The following NSF variants were observed in gnomAD, a reference collection of about 807,000 sequenced individuals.
NSF encodes vesicle-fusing ATPase.
A neutral mutation model predicts 50.3 loss-of-function variants in NSF; 14 were observed. The ratio of observed to expected loss-of-function variants is 0.28; its 90% CI spans 0.18 to 0.44. NSF has a LOEUF of 0.44. Among genes scored for constraint, NSF ranks in the 20% least tolerant of loss-of-function variants. NSF has a pLI of 1.00. For synonymous variants in NSF, 109 were observed against 175.7 expected (o/e 0.62, Z 3.00); for missense variants, 218 against 504.3 (o/e 0.43, Z 5.44).
At chr17:46,735,584 A>G (rs1041705687) in intron 17 of NSF, among the ~76,000 whole-genome samples, 1 of 152,122 alleles carries the variant, frequency 6.6e-6, no homozygotes, top group Non-Finnish European at 1.5e-5. Flanking sequence ...ATAATTCCTC[A>G]TGTGTTACCT....
intron 13 of NSF, among the ~76,000 whole-genome samples, chr17:46,709,326 A>G (rs1311937543): frequency 6.6e-6 from 1 of 152,006 alleles, no homozygotes; most frequent in Admixed American, 6.5e-5. Context: ...TATTTATTCC[A>G]AGGGTCTGGA....
chr17:46,691,683 C>T (rs2058547823), intron 9 of NSF, among the ~76,000 whole-genome samples: 1 of 151,692 alleles, frequency 6.6e-6, no homozygotes, highest in Non-Finnish European at 1.5e-5. Context: ...TCATTATGCT[C>T]ATTTAATTTT....
intron 9 of NSF, among the ~76,000 whole-genome samples, chr17:46,676,492 A>G (rs2058410502): frequency 6.9e-6 from 1 of 145,542 alleles, no homozygotes; most frequent in Admixed American, 6.9e-5. Flanking sequence ...TTGGCCTCCC[A>G]AAGTGCTGAG....
At chr17:46,703,680 C>CAAAAAAAA (rs149212597) in intron 12 of NSF, among the ~76,000 whole-genome samples, 62 of 37,378 alleles carry the variant, frequency 1.7e-3, no homozygotes, top group African/African-American at 3.2e-3. Flanking sequence ...GACTCCGTCT[C>CAAAAAAAA]AAAAAAAAAA....
intron 17 of NSF, among the ~76,000 whole-genome samples, chr17:46,745,952 T>A (rs954689607): frequency 6.6e-6 from 1 of 152,226 alleles, no homozygotes; most frequent in Non-Finnish European, 1.5e-5. Context: ...AGAATGTCCT[T>A]CCCCTTCATC....
At position 46,610,041 on chromosome 17, in the gene NSF, C is replaced by T. The variant is rs7503809; in HGVS notation, c.13-14203C>T. Reference sequence around the variant, plus strand: ...TCTTTCTTTCTTTCTCTCTCTCTCTCTCTTTCTTTCTTTCTTTCTTTCTTT... The same window carrying T: ...TCTTTCTTTCTTTCTCTCTCTCTCTTTCTTTCTTTCTTTCTTTCTTTCTTT... On this transcript the variant is annotated intron_variant, in intron 1 of 20. Coordinates refer to ENST00000398238, the MANE Select transcript of NSF (RefSeq NM_006178.4). 3.8e-4 allele frequency among the ~76,000 whole-genome samples: 45 copies of T among 118,724 alleles called. 1 individual carries two copies. Among genetic ancestry groups the T allele is most frequent in the African/African-American group, 5.6e-4 (18 of 32,426 alleles). The allele number at this position is 118,724 out of a possible 152,430, so 77.9% of individuals were successfully genotyped here. A position where few individuals can be genotyped will look rare whatever the true frequency, so the allele number is the denominator to read the frequency against.
rs535143441 is a variant in NSF at position 46,743,091 on chromosome 17, G to A, written c.1909-6682G>A. Among the ~76,000 whole-genome samples, 23 of 152,186 alleles carry A rather than the reference G, an allele frequency of 1.5e-4. 1 individual carries two copies. The South Asian group carries it at 4.0e-3, about 26-fold the overall frequency. On this transcript the variant is annotated intron_variant, in intron 17 of 20. Coordinates refer to ENST00000398238, the MANE Select transcript of NSF (RefSeq NM_006178.4). ...GTCACCCCACTGCCATGACTCCTTC[G>A]GAGGGGGTGTCTGACCTCTTGCTTC... is the stretch of plus-strand genomic sequence containing the variant.
Position 46,722,177 on chromosome 17 carries a change from C to T in NSF, c.1762-4372C>T, listed in dbSNP as rs550672235. ...CGCTCGAACTGAACATGGCTTTCTC[C>T]TGGGAGAACTTGCAGCGCCTGCTTA... On this transcript the variant is annotated intron_variant, in intron 15 of 20. Transcript: ENST00000398238. 8 of 1,610,648 alleles carry T rather than the reference C, an allele frequency of 5.0e-6. No individual in the cohort carries two copies. In the African/African-American group the frequency reaches 6.7e-5, roughly 13 times the overall value.
chr17:46,633,494 T>C (rs1259845341), intron 4 of NSF, among the ~76,000 whole-genome samples: 1 of 133,314 alleles, frequency 7.5e-6, no homozygotes, highest in African/African-American at 2.8e-5. Flanking sequence ...CTTCCCTCCT[T>C]AGCCTCCCAA....
chr17:46,685,011 TTTTG>T (rs1267094816), intron 9 of NSF, among the ~76,000 whole-genome samples: 2 of 96,798 alleles, frequency 2.1e-5, no homozygotes, highest in Non-Finnish European at 2.0e-5. Flanking sequence ...GGGTTTTTTG[TTTTG>T]TTTGTTTGCT....
chr17:46,611,737 AGACCTAAACCTGTTAAGTTCTTC>A (rs2058018928), intron 1 of NSF, among the ~76,000 whole-genome samples: 1 of 149,768 alleles, frequency 6.7e-6, no homozygotes, highest in Non-Finnish European at 1.5e-5. Context: ...AATGGATCAA[AGACCTAAACCTGTTAAGTTCTTC>A]GAAGGAAACA....
At chr17:46,717,660 T>TGA (rs1194146641) in intron 15 of NSF, among the ~76,000 whole-genome samples, 2 of 152,014 alleles carry the variant, frequency 1.3e-5, no homozygotes, top group African/African-American at 4.8e-5. Flanking sequence ...TGCAGTGAGC[T>TGA]GAGAGCACAC....
At chr17:46,723,632 CTG>C (rs767260131) in intron 15 of NSF, among the ~76,000 whole-genome samples, 3 of 152,182 alleles carry the variant, frequency 2.0e-5, no homozygotes, top group African/African-American at 4.8e-5. Context: ...AGCTTCACCT[CTG>C]TGTTTTATTT....
chr17:46,719,838 CAGAT>C lies in NSF; in HGVS notation c.1761+5856_1761+5859del, dbSNP rs1370018234. ...ATCAGTAGAGATGAAGTAGAACAAT[CAGAT>C]AGAACTAAATTGTTTGAACAAAATT... On this transcript the variant is annotated intron_variant, in intron 15 of 20. Transcript: ENST00000398238. This position sits in a 1 kb window ranked among gnomAD's most constrained non-coding sequence, Gnocchi z 4.3. Among the ~76,000 whole-genome samples the C allele has an allele frequency of 6.6e-6, 1 of 152,258 alleles. No individual in the cohort carries two copies. Among genetic ancestry groups the C allele is most frequent in the Non-Finnish European group, 1.5e-5 (1 of 68,008 alleles).
intron 17 of NSF, among the ~76,000 whole-genome samples, chr17:46,744,681 C>G (rs562410909): frequency 2.6e-4 from 39 of 152,170 alleles, no homozygotes; most frequent in African/African-American, 8.4e-4. Context: ...TGGGTCCAAT[C>G]AATGGGCAAG....
intron 17 of NSF, among the ~76,000 whole-genome samples, chr17:46,742,886 C>A (rs987933787): frequency 1.3e-5 from 2 of 152,172 alleles, no homozygotes; most frequent in Non-Finnish European, 2.9e-5. Flanking sequence ...TTGAATAATA[C>A]AAGCTAAGAA....
intron 13 of NSF, among the ~76,000 whole-genome samples, chr17:46,708,487 T>C (rs867227548): frequency 9.6e-4 from 144 of 149,382 alleles, no homozygotes; most frequent in Admixed American, 2.4e-3. Flanking sequence ...ATTTGTTACA[T>C]ATCCTTTTTT....
At chr17:46,679,133 C>T (rs1335598507) in intron 9 of NSF, among the ~76,000 whole-genome samples, 1 of 151,884 alleles carries the variant, frequency 6.6e-6, no homozygotes, top group Non-Finnish European at 1.5e-5. Context: ...TGAATTATTA[C>T]CATAAAAATC....
chr17:46,711,391 G>A (rs567819675), intron 14 of NSF, among the ~76,000 whole-genome samples: 21 of 152,266 alleles, frequency 1.4e-4, no homozygotes, highest in African/African-American at 5.1e-4. Flanking sequence ...ATGCCACTTA[G>A]CCTCAATTCA....
Sources: allele counts gnomAD v4.1 joint callset (sites outside exome capture counted in the v4.1 genomes callset), GRCh38; gene constraint gnomAD v4.1.1; non-coding constraint Gnocchi (gnomAD v3.1); transcripts MANE v1.5; gene names NCBI Gene and HGNC (gene_info 2026-07-23, HGNC 2026-07-21).